Variants in ECE1 observed in about 807,000 individuals in gnomAD.
ECE1 encodes endothelin converting enzyme 1, also known as endothelin-converting enzyme 1.
In ECE1, 35 loss-of-function variants were observed where a neutral mutation model predicts 98.6. That is an observed-to-expected ratio of 0.35 (90% confidence interval 0.27 to 0.47). ECE1 has a LOEUF of 0.47. Among genes scored for constraint, ECE1 ranks in the 20% least tolerant of loss-of-function variants. The probability of loss-of-function intolerance (pLI) is 1.00; values close to 1 mark genes in which losing one functional copy is unlikely to be tolerated. For missense variants in ECE1, 814 were observed against 1,025.3 expected (o/e 0.79, Z 2.81); for synonymous variants, 394 against 407.1 (o/e 0.97, Z 0.39).
Position 21,233,364 on chromosome 1 carries a change from C to T in ECE1, c.1670+194G>A. 1.8e-6 allele frequency: 1 copy of T among 556,146 alleles called. No individual in the cohort carries two copies. Among genetic ancestry groups the T allele is most frequent in the Non-Finnish European group, 3.2e-6 (1 of 310,634 alleles). The allele number at this position is 556,146 out of a possible 1,614,324, so 34.5% of individuals were successfully genotyped here. ...GGCAGGCTCAAGCCCATCCCAGCTC[C>T]TAGCTGGGCCATACTTCTTTTGCCC... is the stretch of plus-strand genomic sequence containing the variant. On this transcript the variant is annotated intron_variant, in intron 14 of 18. Coordinates refer to ENST00000374893, the MANE Select transcript of ECE1 (RefSeq NM_001397.3). This position sits in a 1 kb window ranked among gnomAD's most constrained non-coding sequence, Gnocchi z 4.0.
At chr1:21,293,760 C>G (rs1638267990), upstream of ECE1, 2 of 152,130 alleles carry the variant, frequency 1.3e-5, no homozygotes, top group South Asian at 4.1e-4. Context: ...GACATTTCAA[C>G]AGCTGCCTGG....
At position 21,260,512 on chromosome 1, in the gene ECE1, C is replaced by T. The variant is rs528032529; in HGVS notation, c.494-120G>A. ...GCTGCAAAGGAGCTCTGACATCTGC[C>T]TGTCGGAGTGGCAGTGAGGAATGCC... On this transcript the variant is annotated intron_variant, in intron 4 of 18. Transcript: ENST00000374893. The surrounding 1 kb of genome is among the most constrained non-coding windows in gnomAD (Gnocchi z 4.3). The T allele has an allele frequency of 7.7e-4, 991 of 1,285,608 alleles. 1 individual carries two copies. Among genetic ancestry groups the T allele is most frequent in the Non-Finnish European group, 7.8e-4 (696 of 891,414 alleles). 79.6% of individuals were successfully genotyped at this position (1,285,608 alleles called of 1,614,324 possible).
At position 21,247,156 on chromosome 1, in the gene ECE1, C is replaced by A. The variant is rs541207499; in HGVS notation, c.1163+65G>T. On this transcript the variant is annotated intron_variant, in intron 9 of 18. Transcript: ENST00000374893. Reference sequence around the variant, plus strand: ...AGTCAGACTGTCATCCCCACCCCTGCCCACCTGCCCAAGAAGAGGGCTGTC... The same window carrying A: ...AGTCAGACTGTCATCCCCACCCCTGACCACCTGCCCAAGAAGAGGGCTGTC... 6.5e-5 allele frequency: 104 copies of A among 1,611,544 alleles called. No homozygotes were observed. The South Asian group carries it at 9.5e-4, about 15-fold the overall frequency.
chr1:21,259,037 C>T (rs1241686354), intron 5 of ECE1, among the ~76,000 whole-genome samples, 198 bp from the exon 6 acceptor site: 1 of 152,118 alleles, frequency 6.6e-6, no homozygotes, highest in African/African-American at 2.4e-5. Flanking sequence ...GGAGCAAAGG[C>T]TTATCCTAGA....
intron 3 of ECE1, among the ~76,000 whole-genome samples, chr1:21,277,725 T>G (rs960081606): frequency 6.6e-6 from 1 of 152,238 alleles, no homozygotes; most frequent in African/African-American, 2.4e-5. Context: ...ACAGGCACTA[T>G]GCTAAGCACA....
At chr1:21,284,701 G>A (rs1490695299) in intron 2 of ECE1, among the ~76,000 whole-genome samples, 5 of 152,204 alleles carry the variant, frequency 3.3e-5, no homozygotes, top group Non-Finnish European at 1.5e-5. Flanking sequence ...GTGAGGATGG[G>A]GCCTGCTGCC....
intron 9 of ECE1, among the ~76,000 whole-genome samples, chr1:21,246,949 C>G (rs185668529): frequency 1.1e-3 from 172 of 152,334 alleles, no homozygotes; most frequent in African/African-American, 3.8e-3. Context: ...CGTTCATGCC[C>G]GGCCACAGGT....
intron 1 of ECE1, among the ~76,000 whole-genome samples, chr1:21,321,269 TA>T (rs1222388847): frequency 6.6e-6 from 1 of 152,056 alleles, no homozygotes; most frequent in East Asian, 1.9e-4. Flanking sequence ...AACCCTAACA[TA>T]AACCAGAAAG....
At chr1:21,293,273 A>G (rs1341390773), upstream of ECE1, 1 of 152,034 alleles carries the variant, frequency 6.6e-6, no homozygotes, top group Non-Finnish European at 1.5e-5. Context: ...CCTTCTGGCA[A>G]GCTCTCCTGA....
At chr1:21,336,096 A>G (rs541239330) in intron 1 of ECE1, among the ~76,000 whole-genome samples, 1 of 152,216 alleles carries the variant, frequency 6.6e-6, no homozygotes, top group Non-Finnish European at 1.5e-5. Flanking sequence ...TTCAAAAAAC[A>G]CTTGAGACAG....
chr1:21,247,187 G>T, intron 9 of ECE1, 34 bp downstream of exon 9: 1 of 1,613,970 alleles, frequency 6.2e-7, no homozygotes, highest in Admixed American at 1.7e-5. Flanking sequence ...CTGTCTGTGA[G>T]AGGCGTGCCC....
chr1:21,226,893 T>C (rs376762342), intron 16 of ECE1, among the ~76,000 whole-genome samples: 3 of 152,166 alleles, frequency 2.0e-5, no homozygotes, highest in African/African-American at 7.2e-5. Context: ...GCCCGGGTAA[T>C]TTTTTTATTT....
rs753598021 is a variant in ECE1 at position 21,327,782 on chromosome 1, C to T, written c.3+17594G>A. On this transcript the variant is annotated intron_variant, in intron 1 of 18. Coordinates refer to the ECE1 transcript ENST00000415912. The surrounding 1 kb of genome is among the most constrained non-coding windows in gnomAD (Gnocchi z 4.6). Reference sequence around the variant, plus strand: ...GTCCATGGCCTGTTAGGAACCGGGCCGCACAGCAGGAGGTGAGCTGTGGGT... The same window carrying T: ...GTCCATGGCCTGTTAGGAACCGGGCTGCACAGCAGGAGGTGAGCTGTGGGT... Among the ~76,000 whole-genome samples the T allele has an allele frequency of 1.3e-5, 2 of 152,148 alleles. No homozygotes were observed. Among genetic ancestry groups the T allele is most frequent in the Non-Finnish European group, 2.9e-5 (2 of 68,032 alleles).
At position 21,236,857 on chromosome 1, in the gene ECE1, A is replaced by G; in HGVS notation, c.1390-13T>C. ...TGATCTCGGTGGCCTGAGGAGATAC[A>G]CATCACAGCAGTAAGGTCTGCGCAC... On this transcript the variant is annotated splice_polypyrimidine_tract_variant and intron_variant, in intron 11 of 18. Coordinates refer to ENST00000374893, the MANE Select transcript of ECE1 (RefSeq NM_001397.3). The G allele has an allele frequency of 5.0e-6, 8 of 1,611,258 alleles. No individual in the cohort carries two copies. The highest frequency in any genetic ancestry group is 6.8e-6 in the Non-Finnish European group (8 of 1,178,306).
At chr1:21,264,215 A>G (rs532780305) in intron 4 of ECE1, among the ~76,000 whole-genome samples, 18 of 152,092 alleles carry the variant, frequency 1.2e-4, no homozygotes, top group Non-Finnish European at 1.0e-4. Flanking sequence ...TGAGGCCTCT[A>G]TGAGACACCC....
In ECE1 at chr1:21,260,973, G is replaced by C. The variant is rs915550740; in HGVS notation, c.494-581C>G. 6.6e-6 allele frequency among the ~76,000 whole-genome samples: 1 copy of C among 152,214 alleles called. No individual in the cohort carries two copies. Among genetic ancestry groups the C allele is most frequent in the Non-Finnish European group, 1.5e-5 (1 of 68,024 alleles). On this transcript the variant is annotated intron_variant, in intron 4 of 18. Transcript: ENST00000374893. The surrounding 1 kb of genome is among the most constrained non-coding windows in gnomAD (Gnocchi z 4.3). ...CAAGCAGCATCTCCCTCCTGCAGTG[G>C]CTTCTCAGACCTTACCCCAGACACC... is the stretch of plus-strand genomic sequence containing the variant.
At chr1:21,230,127 G>C in intron 14 of ECE1, among the ~76,000 whole-genome samples, 1 of 152,024 alleles carries the variant, frequency 6.6e-6, no homozygotes, top group East Asian at 1.9e-4. Flanking sequence ...CCTGAGCCTG[G>C]GAAAGTTGAG....
intron 3 of ECE1, among the ~76,000 whole-genome samples, chr1:21,274,276 C>T (rs2098243948): frequency 6.6e-6 from 1 of 152,198 alleles, no homozygotes; most frequent in Non-Finnish European, 1.5e-5. Context: ...GCTTTCCTTC[C>T]CCACCTCTCT....
chr1:21,338,825 G>T (rs1027452565), intron 1 of ECE1, among the ~76,000 whole-genome samples: 3 of 152,222 alleles, frequency 2.0e-5, no homozygotes, highest in Non-Finnish European at 1.5e-5. Flanking sequence ...GGAGGTGGGA[G>T]GCTCTGCTTC....
Sources: allele counts gnomAD v4.1 joint callset (sites outside exome capture counted in the v4.1 genomes callset), GRCh38; gene constraint gnomAD v4.1.1; non-coding constraint Gnocchi (gnomAD v3.1); transcripts MANE v1.5; gene names NCBI Gene and HGNC (gene_info 2026-07-23, HGNC 2026-07-21).